The following RAP1GAP2 variants were observed in gnomAD, a reference collection of about 807,000 sequenced individuals.
RAP1GAP2 encodes the protein RAP1 GTPase activating protein 2, also known as rap1 GTPase-activating protein 2.
Under a neutral mutation model 95.0 loss-of-function variants are expected in RAP1GAP2, and 27 were observed. That is an observed-to-expected ratio of 0.28 (90% CI 0.21 to 0.39). The LOEUF is 0.39. Among genes scored for constraint, RAP1GAP2 ranks in the 10% least tolerant of loss-of-function variants. The pLI is 1.00. For missense variants in RAP1GAP2, 771 were observed against 970.0 expected (o/e 0.79, Z 2.72); for synonymous variants, 373 against 380.9 (o/e 0.98, Z 0.24).
chr17:2,786,934 A>G (rs918215362), intron 1 of RAP1GAP2, among the ~76,000 whole-genome samples: 1 of 134,256 alleles, frequency 7.4e-6, no homozygotes, highest in Non-Finnish European at 1.5e-5. Flanking sequence ...GGCGTGAGCC[A>G]TCGCTCCCAG....
intron 22 of RAP1GAP2, among the ~76,000 whole-genome samples, chr17:3,030,087 T>C (rs568468641): frequency 4.6e-4 from 68 of 147,910 alleles, no homozygotes; most frequent in Middle Eastern, 7.1e-3. Flanking sequence ...ATACATATGT[T>C]ATAGATACAC....
At chr17:2,884,076 C>T (rs1367999192) in intron 2 of RAP1GAP2, among the ~76,000 whole-genome samples, 1 of 152,198 alleles carries the variant, frequency 6.6e-6, no homozygotes, top group African/African-American at 2.4e-5. Flanking sequence ...ATCTCTTGTT[C>T]AGCACTGTTG....
At chr17:2,841,651 A>AG (rs1597414658) in intron 2 of RAP1GAP2, among the ~76,000 whole-genome samples, 1 of 152,162 alleles carries the variant, frequency 6.6e-6, no homozygotes, top group East Asian at 1.9e-4. Flanking sequence ...CTGGAATGGT[A>AG]GATGTCAGAG....
intron 1 of RAP1GAP2, among the ~76,000 whole-genome samples, chr17:2,758,835 A>T (rs189957739): frequency 1.3e-3 from 197 of 152,290 alleles, no homozygotes; most frequent in African/African-American, 4.3e-3. Flanking sequence ...TTTCAGGCAC[A>T]GCTAGATTCA....
rs2072671110 is a variant in RAP1GAP2 at position 2,867,662 on chromosome 17, G to T, written c.81-37622G>T. Among the ~76,000 whole-genome samples, 1 of 152,176 alleles carries T rather than the reference G, an allele frequency of 6.6e-6. No homozygotes were observed. Among genetic ancestry groups the T allele is most frequent in the Non-Finnish European group, 1.5e-5 (1 of 68,034 alleles). On this transcript the variant is annotated intron_variant, in intron 2 of 24. Coordinates refer to ENST00000254695, the MANE Select transcript of RAP1GAP2 (RefSeq NM_015085.5). This position sits in a 1 kb window ranked among gnomAD's most constrained non-coding sequence, Gnocchi z 4.5. ...TACGCCCACCGCTGGTTCCCGGGATGCAGGGACTTGGCTGGGAGTATAGGA... is the reference window on the plus strand; with the variant it reads ...TACGCCCACCGCTGGTTCCCGGGATTCAGGGACTTGGCTGGGAGTATAGGA...
chr17:2,822,617 G>GTTT (rs1212676493), intron 2 of RAP1GAP2, among the ~76,000 whole-genome samples: 74 of 117,758 alleles, frequency 6.3e-4, no homozygotes, highest in Non-Finnish European at 1.0e-3. Context: ...ATAAAACCCT[G>GTTT]TTTTTTTTTG....
chr17:2,967,964 G>A (rs761891866), intron 8 of RAP1GAP2, among the ~76,000 whole-genome samples: 2 of 152,184 alleles, frequency 1.3e-5, no homozygotes, highest in Non-Finnish European at 2.9e-5. Flanking sequence ...ATGAGCCTGT[G>A]TAGATTTCTT....
chr17:2,893,359 T>C (rs977249697), intron 2 of RAP1GAP2, among the ~76,000 whole-genome samples: 3 of 152,158 alleles, frequency 2.0e-5, no homozygotes, highest in African/African-American at 7.2e-5. Flanking sequence ...GTTATTTTAA[T>C]GGGCTTCAGA....
intron 3 of RAP1GAP2, among the ~76,000 whole-genome samples, chr17:2,926,283 C>T (rs915430465): frequency 3.3e-5 from 5 of 152,322 alleles, no homozygotes; most frequent in East Asian, 1.9e-4. Context: ...CCCACCTCCA[C>T]GGGCAGCGCC....
At chr17:2,824,633 G>A (rs1471579419) in intron 2 of RAP1GAP2, among the ~76,000 whole-genome samples, 6 of 150,892 alleles carry the variant, frequency 4.0e-5, no homozygotes, top group African/African-American at 9.8e-5. Context: ...CTAGCTACTC[G>A]GGAGGCTGAG....
At chr17:2,842,529 CA>C (rs34473053) in intron 2 of RAP1GAP2, among the ~76,000 whole-genome samples, 33,375 of 78,512 alleles carry the variant, frequency 0.43, 3,667 homozygotes, top group Admixed American at 0.48. Flanking sequence ...GATTCCGTCT[CA>C]AAAAAAAAAA....
chr17:2,842,915 T>C (rs1259632891), intron 2 of RAP1GAP2, among the ~76,000 whole-genome samples: 1 of 152,174 alleles, frequency 6.6e-6, no homozygotes, highest in Non-Finnish European at 1.5e-5. Context: ...TTCTTTTCTC[T>C]CTCTTCCTCC....
chr17:2,841,595 C>T lies in RAP1GAP2; in HGVS notation c.80+41045C>T, dbSNP rs1023247165. On this transcript the variant is annotated intron_variant, in intron 2 of 24. Transcript: ENST00000254695. ...TGCTGGGATTACAGGCGTGAGCCAC[C>T]GTGCCCGGCCGATTTGGGGACATTT... Among the ~76,000 whole-genome samples the T allele has an allele frequency of 5.3e-5, 8 of 152,176 alleles. No individual in the cohort carries two copies. The East Asian group carries it at 1.2e-3, about 22-fold the overall frequency.
intron 3 of RAP1GAP2, among the ~76,000 whole-genome samples, chr17:2,917,924 C>T (rs1186374840): frequency 1.3e-5 from 2 of 152,042 alleles, no homozygotes; most frequent in Non-Finnish European, 2.9e-5. Context: ...CCATGTTGGC[C>T]AGGCTGGTGT....
At chr17:2,765,780 A>G (rs562768479) in intron 1 of RAP1GAP2, among the ~76,000 whole-genome samples, 1 of 150,906 alleles carries the variant, frequency 6.6e-6, no homozygotes, top group Admixed American at 6.6e-5. Flanking sequence ...CAGCCTGGCC[A>G]ATATGGTGAA....
At chr17:2,879,117 CTT>C (rs67861792) in intron 2 of RAP1GAP2, among the ~76,000 whole-genome samples, 5,013 of 140,766 alleles carry the variant, frequency 0.036, 227 homozygotes, top group African/African-American at 0.12. Flanking sequence ...CCAAGCCCTT[CTT>C]TTTTTTTTTT....
chr17:2,985,965 T>C (rs539936015), intron 11 of RAP1GAP2, among the ~76,000 whole-genome samples: 15 of 152,260 alleles, frequency 9.9e-5, no homozygotes, highest in Non-Finnish European at 1.8e-4. Flanking sequence ...ACCGAGACTC[T>C]TTGAGAGAAA....
chr17:2,902,736 G>A lies in RAP1GAP2; in HGVS notation c.81-2548G>A, dbSNP rs749530629. 2.0e-5 allele frequency among the ~76,000 whole-genome samples: 3 copies of A among 152,104 alleles called. No homozygotes were observed. The highest frequency in any genetic ancestry group is 4.4e-5 in the Non-Finnish European group (3 of 68,030). ...TTGAGAGTCTGCCTCGCTTCCTAGAGACCGGCCCCAGGAGCTTATCCAGTG... is the reference window on the plus strand; with the variant it reads ...TTGAGAGTCTGCCTCGCTTCCTAGAAACCGGCCCCAGGAGCTTATCCAGTG... On this transcript the variant is annotated intron_variant, in intron 2 of 24. Transcript: ENST00000254695. This position sits in a 1 kb window ranked among gnomAD's most constrained non-coding sequence, Gnocchi z 4.1.
chr17:2,845,966 G>A (rs953690406), intron 2 of RAP1GAP2, among the ~76,000 whole-genome samples: 1 of 151,900 alleles, frequency 6.6e-6, no homozygotes, highest in African/African-American at 2.4e-5. Context: ...GGTGAATTCC[G>A]AGGTGAGGAA....
Sources: allele counts gnomAD v4.1 joint callset (sites outside exome capture counted in the v4.1 genomes callset), GRCh38; gene constraint gnomAD v4.1.1; non-coding constraint Gnocchi (gnomAD v3.1); transcripts MANE v1.5; gene names NCBI Gene and HGNC (gene_info 2026-07-23, HGNC 2026-07-21).